TMEM178B: variants seen among roughly 807,000 people sequenced by gnomAD.
The protein encoded by TMEM178B is transmembrane protein 178B.
In TMEM178B, 5 loss-of-function variants were observed where a neutral mutation model predicts 31.0. That is an observed-to-expected ratio of 0.16 (90% CI 0.08 to 0.34). The LOEUF (loss-of-function observed/expected upper bound fraction) is 0.34. Among genes scored for constraint, TMEM178B ranks in the 10% least tolerant of loss-of-function variants. TMEM178B has a pLI of 1.00. For missense variants in TMEM178B, 275 were observed against 400.3 expected (o/e 0.69, Z 2.67); for synonymous variants, 164 against 164.0 (o/e 1.00, Z 0.00).
chr7:141,321,702 C>T (rs1030883900), intron 2 of TMEM178B, among the ~76,000 whole-genome samples: 2 of 152,094 alleles, frequency 1.3e-5, no homozygotes, highest in Admixed American at 1.3e-4. Context: ...TATGACAAAC[C>T]TTGAGACCAG....
At chr7:141,093,722 C>T (rs890262773) in intron 1 of TMEM178B, among the ~76,000 whole-genome samples, 1 of 152,138 alleles carries the variant, frequency 6.6e-6, no homozygotes, top group Non-Finnish European at 1.5e-5. Context: ...AGAGAACATT[C>T]GGGAAAGTGT....
At chr7:141,210,140 T>C (rs1040188048) in intron 1 of TMEM178B, among the ~76,000 whole-genome samples, 5 of 152,114 alleles carry the variant, frequency 3.3e-5, no homozygotes, top group African/African-American at 1.2e-4. Flanking sequence ...AGTCATTTAA[T>C]CTCCTCATGC....
chr7:141,152,588 G>GT (rs966794534), intron 1 of TMEM178B, among the ~76,000 whole-genome samples: 10 of 152,156 alleles, frequency 6.6e-5, no homozygotes, highest in African/African-American at 2.2e-4. Context: ...TGAAGTTAAA[G>GT]TTTTTTTCTG....
chr7:141,484,242 A>AT (rs1237938194), downstream of TMEM178B, among the ~76,000 whole-genome samples: 2 of 152,220 alleles, frequency 1.3e-5, no homozygotes, highest in Non-Finnish European at 2.9e-5. This position sits in a 1 kb window ranked among gnomAD's most constrained non-coding sequence, Gnocchi z 4.8. Context: ...GTTTTGAAAT[A>AT]TTTTTAATTC....
intron 2 of TMEM178B, among the ~76,000 whole-genome samples, chr7:141,347,607 T>C (rs1799642663): frequency 6.6e-6 from 1 of 152,172 alleles, no homozygotes. Context: ...TCATGGTAAC[T>C]AGAGATGCCT....
chr7:141,175,391 A>C (rs1166303106), intron 1 of TMEM178B, among the ~76,000 whole-genome samples: 2 of 152,236 alleles, frequency 1.3e-5, no homozygotes, highest in East Asian at 3.9e-4. Flanking sequence ...GACATCAGGT[A>C]GTGTGATGCC....
intron 2 of TMEM178B, among the ~76,000 whole-genome samples, chr7:141,217,189 C>T (rs1041173918): frequency 6.6e-5 from 10 of 152,170 alleles, no homozygotes; most frequent in South Asian, 2.1e-4. Flanking sequence ...TTGGAGAGTT[C>T]GGTGTCCTTG....
At chr7:141,285,429 A>T (rs1798434120) in intron 2 of TMEM178B, among the ~76,000 whole-genome samples, 1 of 151,712 alleles carries the variant, frequency 6.6e-6, no homozygotes, top group Non-Finnish European at 1.5e-5. Flanking sequence ...AAGTGCTGGG[A>T]TTACAGGTGT....
At chr7:141,321,052 A>G (rs7806559) in intron 2 of TMEM178B, among the ~76,000 whole-genome samples, 48,880 of 151,968 alleles carry the variant, frequency 0.32, 9,866 homozygotes, top group African/African-American at 0.56. Context: ...CACTGGTGGG[A>G]TTTTGTTCCA....
At chr7:141,285,067 A>AC (rs1798422927) in intron 2 of TMEM178B, among the ~76,000 whole-genome samples, 1 of 151,690 alleles carries the variant, frequency 6.6e-6, no homozygotes, top group African/African-American at 2.4e-5. Context: ...AAAAAAAAAA[A>AC]AAAACTACAT....
intron 2 of TMEM178B, among the ~76,000 whole-genome samples, chr7:141,215,873 CTCCT>C (rs1797134628): frequency 7.5e-5 from 8 of 107,270 alleles, no homozygotes; most frequent in East Asian, 2.6e-4. Flanking sequence ...CTTTCTTTTC[CTCCT>C]TCCTTCCTTC....
chr7:141,238,578 A>C (rs1797566904), intron 2 of TMEM178B, among the ~76,000 whole-genome samples: 1 of 152,322 alleles, frequency 6.6e-6, no homozygotes, highest in East Asian at 1.9e-4. Context: ...AGAAGAAGAG[A>C]AAACAGGGAA....
At chr7:141,378,084 C>A (rs1222818279) in intron 2 of TMEM178B, among the ~76,000 whole-genome samples, 1 of 152,154 alleles carries the variant, frequency 6.6e-6, no homozygotes, top group Non-Finnish European at 1.5e-5. Context: ...AGTTTTTCAG[C>A]CTTTCCTTAT....
At position 141,335,916 on chromosome 7, in the gene TMEM178B, C is replaced by T. The variant is rs559544348; in HGVS notation, c.497-101692C>T. On this transcript the variant is annotated intron_variant, in intron 2 of 3. Transcript: ENST00000565468. ...TGGGAAAAGGAAGCCGGGCTCTATG[C>T]GTGAAGTTGAGCTCTCTGCAGGGAG... Among the ~76,000 whole-genome samples, 88 of 152,192 alleles carry T rather than the reference C, an allele frequency of 5.8e-4. No homozygotes were observed. The South Asian group carries it at 0.017, about 29-fold the overall frequency.
intron 2 of TMEM178B, among the ~76,000 whole-genome samples, chr7:141,330,622 G>T (rs1490195729): frequency 1.3e-5 from 2 of 152,182 alleles, no homozygotes; most frequent in African/African-American, 2.4e-5. Context: ...GATGTGGATG[G>T]TCTTGACACA....
chr7:141,377,485 C>T (rs1474259556), intron 2 of TMEM178B, among the ~76,000 whole-genome samples: 1 of 152,024 alleles, frequency 6.6e-6, no homozygotes, highest in Non-Finnish European at 1.5e-5. Flanking sequence ...GCCTGGCCAA[C>T]ATGGTGAAAC....
intron 2 of TMEM178B, among the ~76,000 whole-genome samples, chr7:141,368,473 G>A (rs181464084): frequency 2.0e-5 from 3 of 152,268 alleles, no homozygotes; most frequent in Non-Finnish European, 4.4e-5. Context: ...ACATGAACAG[G>A]TTCTATGCCT....
At chr7:141,126,381 T>C (rs1024294150) in intron 1 of TMEM178B, among the ~76,000 whole-genome samples, 10 of 152,218 alleles carry the variant, frequency 6.6e-5, no homozygotes, top group Admixed American at 5.9e-4. Flanking sequence ...TAATTTGAGC[T>C]AAGCCTTGAC....
chr7:141,176,057 C>G (rs1161300478), intron 1 of TMEM178B, among the ~76,000 whole-genome samples: 1 of 152,134 alleles, frequency 6.6e-6, no homozygotes, highest in Non-Finnish European at 1.5e-5. Context: ...GGAATGCTTC[C>G]AGTTTTTGTC....
Sources: gnomAD v4.1 joint callset for allele counts (sites outside exome capture counted in the v4.1 genomes callset) on GRCh38, gnomAD v4.1.1 for gene constraint, Gnocchi (gnomAD v3.1) non-coding constraint, MANE v1.5 for transcripts, NCBI Gene and HGNC (gene_info 2026-07-23, HGNC 2026-07-21) for gene names.